MAP3K10: variants seen among roughly 807,000 people sequenced by gnomAD.
The protein encoded by MAP3K10 is MKN28 derived nonreceptor_type serine/threonine kinase.
In MAP3K10, 22 loss-of-function variants were observed where a neutral mutation model predicts 75.0. That is an observed-to-expected ratio of 0.29 (90% CI 0.21 to 0.42). The LOEUF (loss-of-function observed/expected upper bound fraction) is 0.42, where lower values mean the gene tolerates loss of function less well. MAP3K10 is among the 10% of genes least tolerant of loss of function. The pLI, the probability that MAP3K10 is intolerant of heterozygous loss-of-function variation, is 1.00. For synonymous variants in MAP3K10, 599 were observed against 612.9 expected (o/e 0.98, Z 0.34); for missense variants, 1,165 against 1,379.8 (o/e 0.84, Z 2.47).
In MAP3K10 at chr19:40,215,169, C is replaced by G. The variant is rs1266175096; in HGVS notation, c.2742C>G (p.Ser914Arg). Residue 914 changes from serine (S) to arginine (R), a missense_variant, in exon 10 of 10, where the codon AGC becomes AGG. By Grantham distance (110) the Ser-to-Arg change is moderately radical. Coordinates refer to ENST00000253055, the MANE Select transcript of MAP3K10 (RefSeq NM_002446.4). Reference sequence around the variant, plus strand: ...GGACACTCACCATCTCGCCTCCCAGCAGGCCAGACACTCCGGAGAGCCCTG... The same window carrying G: ...GGACACTCACCATCTCGCCTCCCAGGAGGCCAGACACTCCGGAGAGCCCTG... Reference protein sequence around the residue: ...FGRTLTISPPSRPDTPESPGP... With the variant: ...FGRTLTISPPRRPDTPESPGP... The G allele has an allele frequency of 6.2e-7, 1 of 1,604,682 alleles. No homozygotes were observed. Among genetic ancestry groups the G allele is most frequent in the East Asian group, 2.3e-5 (1 of 44,082 alleles).
Position 40,213,482 on chromosome 19 carries a change from C to A in MAP3K10, c.1838-35C>A, listed in dbSNP as rs369975053. 3.5e-3 allele frequency: 5,658 copies of A among 1,605,198 alleles called. 28 individuals carry two copies. The highest frequency in any genetic ancestry group is 0.014 in the South Asian group (1,268 of 90,030). ...CAAGTCCCCGTGGGGCCCTGGCCAG[C>A]CCTGCAGCGGAGTGATGGCCCTCTC... is the stretch of plus-strand genomic sequence containing the variant. On this transcript the variant is annotated intron_variant, in intron 8 of 9. Transcript: ENST00000253055. This position sits in a 1 kb window ranked among gnomAD's most constrained non-coding sequence, Gnocchi z 5.7.
chr19:40,195,471 CTTTTTTTTTTTTTTTTTT>C (rs61289931), intron 1 of MAP3K10, among the ~76,000 whole-genome samples: 20,351 of 48,478 alleles, frequency 0.42, 3,056 homozygotes, highest in African/African-American at 0.55. Flanking sequence ...CCCGCCCGGC[CTTTTTTTTTTTTTTTTTT>C]TTTTTTTTTT....
chr19:40,196,100 G>C (rs576846952), intron 1 of MAP3K10, among the ~76,000 whole-genome samples: 49 of 152,244 alleles, frequency 3.2e-4, no homozygotes, highest in Admixed American at 8.5e-4. Flanking sequence ...CCATTTCATA[G>C]AGGAGAAGTC....
At chr19:40,197,118 G>C (rs1479897352) in intron 1 of MAP3K10, among the ~76,000 whole-genome samples, 2 of 152,174 alleles carry the variant, frequency 1.3e-5, no homozygotes, top group African/African-American at 4.8e-5. Flanking sequence ...TGGAGGCTGG[G>C]CTCAGCTGGA....
Position 40,204,679 on chromosome 19 carries a change from A to T in MAP3K10, c.1012+46A>T, listed in dbSNP as rs1378331883. 6.3e-7 allele frequency: 1 copy of T among 1,594,106 alleles called. No individual in the cohort carries two copies. The highest frequency in any genetic ancestry group is 8.6e-7 in the Non-Finnish European group (1 of 1,169,062). On this transcript the variant is annotated intron_variant, in intron 3 of 9. Coordinates refer to ENST00000253055, the MANE Select transcript of MAP3K10 (RefSeq NM_002446.4). The surrounding 1 kb of genome is among the most constrained non-coding windows in gnomAD (Gnocchi z 4.3). ...GAGGGTAGGCTCAGCTTGGAGTGGC[A>T]GGGACCTGTGGGCCCAGACCTTTCC...
rs1973082979 is a variant in MAP3K10, at chr19:40,204,662, G to A, written c.1012+29G>A. On this transcript the variant is annotated intron_variant, in intron 3 of 9. Coordinates refer to ENST00000253055, the MANE Select transcript of MAP3K10 (RefSeq NM_002446.4). The surrounding 1 kb of genome is among the most constrained non-coding windows in gnomAD (Gnocchi z 4.3). The stretch of plus-strand genomic sequence containing the variant: ...AGCCGGGGCCCCGTGACGAGGGTAG[G>A]CTCAGCTTGGAGTGGCAGGGACCTG... 2 of 1,603,516 alleles carry A rather than the reference G, an allele frequency of 1.2e-6. No individual in the cohort carries two copies. The highest frequency in any genetic ancestry group is 1.7e-5 in the Admixed American group (1 of 59,768).
chr19:40,198,014 G>T lies in MAP3K10; in HGVS notation c.683-361G>T, dbSNP rs1228825786. On this transcript the variant is annotated intron_variant, in intron 1 of 9. Coordinates refer to ENST00000253055, the MANE Select transcript of MAP3K10 (RefSeq NM_002446.4). The surrounding 1 kb of genome is among the most constrained non-coding windows in gnomAD (Gnocchi z 4.3). ...ACCCAGGTATTTTTAAAAAGTTTTTGTAGAGATGAGGTCTTGCCATGTTGC... is the reference window on the plus strand; with the variant it reads ...ACCCAGGTATTTTTAAAAAGTTTTTTTAGAGATGAGGTCTTGCCATGTTGC... Among the ~76,000 whole-genome samples, 2 of 152,082 alleles carry T rather than the reference G, an allele frequency of 1.3e-5. No individual in the cohort carries two copies. Among genetic ancestry groups the T allele is most frequent in the Non-Finnish European group, 2.9e-5 (2 of 67,998 alleles).
rs375485459 is a variant in MAP3K10 at position 40,212,926 on chromosome 19, G to C, written c.1674G>C (p.Thr558=). ...TCGGGGGCAAGAAGAAGGGACGAAC[G>C]TGGGGGCCCAGCTCCACCCTGCAGA... The part of the protein sequence containing the change: ...ELVGGKKKGR[T]WGPSSTLQKE... The change falls in exon 7 of 10, where the codon ACG becomes ACC. Residue 558 remains threonine (T), a synonymous_variant. Coordinates refer to ENST00000253055, the MANE Select transcript of MAP3K10 (RefSeq NM_002446.4). The surrounding 1 kb of genome is among the most constrained non-coding windows in gnomAD (Gnocchi z 4.2). 1 of 1,612,732 alleles carries C rather than the reference G, an allele frequency of 6.2e-7. No homozygotes were observed. The highest frequency in any genetic ancestry group is 8.5e-7 in the Non-Finnish European group (1 of 1,179,464).
rs1599895600 is a variant in MAP3K10 at position 40,191,987 on chromosome 19, G to C, written c.-45G>C. ...GGGGCCCGCCCTCTGCATCCCGCGG[G>C]CAGCCTGTGTGAAGCGGCCTCCCGC... On this transcript the variant is annotated 5_prime_UTR_variant, in exon 1 of 10. Transcript: ENST00000253055. 2 of 1,306,800 alleles carry C rather than the reference G, an allele frequency of 1.5e-6. No homozygotes were observed. The highest frequency in any genetic ancestry group is 2.0e-6 in the Non-Finnish European group (2 of 999,504). The allele number at this position is 1,306,800 out of a possible 1,614,324, so 81.0% of individuals were successfully genotyped here. A position where few individuals can be genotyped will look rare whatever the true frequency, so the allele number is the denominator to read the frequency against.
In MAP3K10 at chr19:40,192,613, C is replaced by T. The variant is rs757688448; in HGVS notation, c.582C>T (p.His194=). 3 of 1,611,862 alleles carry T rather than the reference C, an allele frequency of 1.9e-6. No homozygotes were observed. Among genetic ancestry groups the T allele is most frequent in the Non-Finnish European group, 1.7e-6 (2 of 1,179,156 alleles). ...RVLAGRRVPP[H]VLVNWAVQVA... is the part of the protein sequence containing the mutation. Reference sequence around the variant, plus strand: ...TGGCAGGTCGCCGGGTGCCACCTCACGTGCTGGTCAACTGGGCTGTGCAGG... The same window carrying T: ...TGGCAGGTCGCCGGGTGCCACCTCATGTGCTGGTCAACTGGGCTGTGCAGG... The change falls in exon 1 of 10, where the codon CAC becomes CAT. Residue 194 remains histidine, a synonymous_variant. Transcript: ENST00000253055. The surrounding 1 kb of genome is among the most constrained non-coding windows in gnomAD (Gnocchi z 7.1).
chr19:40,193,989 C>T (rs1472689330), intron 1 of MAP3K10, among the ~76,000 whole-genome samples: 1 of 152,116 alleles, frequency 6.6e-6, no homozygotes, highest in East Asian at 1.9e-4. Flanking sequence ...ATTGCTATTC[C>T]CCACCCATAG....
In MAP3K10 at chr19:40,215,001, G is replaced by T. The variant is rs1325475612; in HGVS notation, c.2574G>T (p.Leu858=). The part of the protein sequence containing the change: ...GPRDLLDFPR[L]PDPQALFPAR... ...GTGACCTTCTGGACTTCCCCCGCCT[G>T]CCCGACCCCCAGGCCCTGTTCCCAG... Residue 858 remains leucine (L), a synonymous_variant, in exon 10 of 10, where the codon CTG becomes CTT. Coordinates refer to ENST00000253055, the MANE Select transcript of MAP3K10 (RefSeq NM_002446.4). 1.9e-6 allele frequency: 3 copies of T among 1,583,218 alleles called. No homozygotes were observed. Among genetic ancestry groups the T allele is most frequent in the Non-Finnish European group, 8.6e-7 (1 of 1,160,972 alleles).
At chr19:40,210,862 C>T (rs1245282324) in intron 6 of MAP3K10, among the ~76,000 whole-genome samples, 1 of 152,146 alleles carries the variant, frequency 6.6e-6, no homozygotes, top group Non-Finnish European at 1.5e-5. Flanking sequence ...TCTGTCTGGG[C>T]CCTCAGTGGA....
intron 2 of MAP3K10, among the ~76,000 whole-genome samples, chr19:40,199,146 T>G (rs555685183): frequency 2.0e-5 from 3 of 152,282 alleles, no homozygotes; most frequent in African/African-American, 7.2e-5. Context: ...CACTAGCCCA[T>G]GCACTGTCCC....
chr19:40,204,476 T>C lies in MAP3K10; in HGVS notation c.864-9T>C. ...TGCGACATCACCCCTCCCTCTCCCC[T>C]GCCTGCAGCTTCGGGGTGCTGCTGT... On this transcript the variant is annotated splice_polypyrimidine_tract_variant and intron_variant, in intron 2 of 9. Transcript: ENST00000253055. The surrounding 1 kb of genome is among the most constrained non-coding windows in gnomAD (Gnocchi z 4.3). 1 of 1,611,366 alleles carries C rather than the reference T, an allele frequency of 6.2e-7. No individual in the cohort carries two copies. Among genetic ancestry groups the C allele is most frequent in the Non-Finnish European group, 8.5e-7 (1 of 1,179,128 alleles).
intron 6 of MAP3K10, among the ~76,000 whole-genome samples, chr19:40,211,349 C>T (rs1348980421): frequency 2.1e-5 from 3 of 145,686 alleles, no homozygotes; most frequent in African/African-American, 7.7e-5. Context: ...TTTCATTTGA[C>T]ACCTTTGGTA....
rs150700695 is a variant in MAP3K10 at position 40,212,843 on chromosome 19, A to G, written c.1591A>G (p.Ser531Gly). The G allele has an allele frequency of 3.1e-6, 5 of 1,604,720 alleles. No homozygotes were observed. The African/African-American group carries it at 6.7e-5, about 21-fold the overall frequency. Residue 531 changes from serine (S) to glycine (G), a missense_variant, in exon 7 of 10, where the codon AGC becomes GGC. Transcript: ENST00000253055. This position sits in a 1 kb window ranked among gnomAD's most constrained non-coding sequence, Gnocchi z 4.2. ...VDCGGSSSGS[S>G]SGGSGTWSRG... ...CTGTGGTGGCAGCAGCAGTGGCAGCAGCAGTGGAGGAAGTGGGACATGGAG... is the reference window on the plus strand; with the variant it reads ...CTGTGGTGGCAGCAGCAGTGGCAGCGGCAGTGGAGGAAGTGGGACATGGAG...
chr19:40,208,730 C>G (rs1199200110), intron 5 of MAP3K10, among the ~76,000 whole-genome samples: 1 of 151,488 alleles, frequency 6.6e-6, no homozygotes, highest in African/African-American at 2.4e-5. Context: ...AACTCCAATT[C>G]CCCCATTGCA....
rs565505820 is a variant in MAP3K10, at chr19:40,215,232, C to T, written c.2805C>T (p.Asp935=). ...PSVQPTLLDM[D]MEGQNQDSTV... ...TGCAGCCCACACTGCTGGACATGGA[C>T]ATGGAGGGGCAGAACCAAGACAGCA... is the stretch of plus-strand genomic sequence containing the variant. The change falls in exon 10 of 10, where the codon GAC becomes GAT. Residue 935 remains aspartate, a synonymous_variant. Coordinates refer to ENST00000253055, the MANE Select transcript of MAP3K10 (RefSeq NM_002446.4). 2.4e-5 allele frequency: 37 copies of T among 1,562,144 alleles called. No homozygotes were observed. The South Asian group carries it at 3.8e-4, about 16-fold the overall frequency.
Sources: allele counts gnomAD v4.1 joint callset (sites outside exome capture counted in the v4.1 genomes callset), GRCh38; gene constraint gnomAD v4.1.1; non-coding constraint Gnocchi (gnomAD v3.1); transcripts MANE v1.5; gene names NCBI Gene and HGNC (gene_info 2026-07-23, HGNC 2026-07-21).